The following INSL6 variants were observed in gnomAD, a reference collection of about 807,000 sequenced individuals.
The protein encoded by INSL6 is insulin like 6, also known as insulin-like peptide INSL6.
Under a neutral mutation model 9.4 loss-of-function variants are expected in INSL6, and 16 were observed. The observed-to-expected ratio is 1.70, with a 90% CI of 1.15 to 2.59. The LOEUF (loss-of-function observed/expected upper bound fraction) is 2.59, where lower values mean the gene tolerates loss of function less well. INSL6 is among the 30% of genes most tolerant of loss of function. The pLI, the probability that INSL6 is intolerant of heterozygous loss-of-function variation, is 0.00. For synonymous variants in INSL6, 154 were observed against 96.9 expected, an observed-to-expected ratio of 1.59 and a Z score of -3.46; for missense variants, 391 against 257.3, an observed-to-expected ratio of 1.52 and a Z score of -3.56.
intron 1 of INSL6, among the ~76,000 whole-genome samples, chr9:5,176,292 T>C (rs1267524375): frequency 3.3e-5 from 5 of 152,228 alleles, no homozygotes; most frequent in African/African-American, 1.2e-4. Flanking sequence ...CTTACCACAC[T>C]GTTTAATACT....
the INSL6 span, among the ~76,000 whole-genome samples, chr9:5,115,159 T>C: frequency 6.6e-6 from 1 of 152,096 alleles, no homozygotes; most frequent in Non-Finnish European, 1.5e-5. Flanking sequence ...TTTTGCAATC[T>C]AGCCACCTGA....
the INSL6 span, among the ~76,000 whole-genome samples, chr9:5,052,895 C>T: frequency 6.6e-6 from 1 of 152,028 alleles, no homozygotes; most frequent in Non-Finnish European, 1.5e-5. Context: ...TTGTTCTTCA[C>T]TTGATGAAAA....
At chr9:5,087,868 T>A in the INSL6 span, among the ~76,000 whole-genome samples, 1 of 152,222 alleles carries the variant, frequency 6.6e-6, no homozygotes, top group Non-Finnish European at 1.5e-5. Context: ...ATGACTGTAT[T>A]TAAAAATTTT....
the INSL6 span, chr9:5,090,841 T>C: frequency 1.9e-6 from 3 of 1,613,534 alleles, no homozygotes; most frequent in Non-Finnish European, 2.5e-6. Context: ...AGATTTTGGG[T>C]TAACCAAAGT....
intron 2 of INSL6, among the ~76,000 whole-genome samples, chr9:5,137,355 A>T (rs2130884147): frequency 6.6e-6 from 1 of 152,286 alleles, no homozygotes; most frequent in Admixed American, 6.5e-5. Context: ...GCATCACACT[A>T]CCTGACTTCA....
chr9:5,079,063 G>A, the INSL6 span, among the ~76,000 whole-genome samples: 2 of 152,098 alleles, frequency 1.3e-5, no homozygotes, highest in African/African-American at 4.8e-5. Flanking sequence ...CAATTTTTGT[G>A]CACTGATGTG....
At chr9:5,170,729 G>A (rs371042489) in intron 1 of INSL6, among the ~76,000 whole-genome samples, 7 of 151,608 alleles carry the variant, frequency 4.6e-5, no homozygotes, top group African/African-American at 7.3e-5. Context: ...CCAATAAACC[G>A]GAAAATCTAG....
chr9:5,043,932 G>C, the INSL6 span, among the ~76,000 whole-genome samples: 1 of 152,112 alleles, frequency 6.6e-6, no homozygotes, highest in African/African-American at 2.4e-5. Context: ...ACTTTAAGTG[G>C]GTGGACTTTA....
intron 1 of INSL6, among the ~76,000 whole-genome samples, chr9:5,174,138 CT>C (rs1338555420): frequency 6.6e-6 from 1 of 152,176 alleles, no homozygotes; most frequent in Admixed American, 6.5e-5. Flanking sequence ...CAGTTTTTAA[CT>C]TCTATTGAAT....
chr9:5,142,504 GTGT>G (rs1194944344), intron 2 of INSL6, among the ~76,000 whole-genome samples: 2 of 152,076 alleles, frequency 1.3e-5, no homozygotes, highest in African/African-American at 2.4e-5. Context: ...TCAACTTGAG[GTGT>G]TGTTAAGTGT....
chr9:5,022,585 C>T, the INSL6 span, among the ~76,000 whole-genome samples: 20 of 152,172 alleles, frequency 1.3e-4, no homozygotes, highest in African/African-American at 4.8e-4. Flanking sequence ...GATTTAAAAT[C>T]TTGATTAAAT....
chr9:5,137,672 G>T (rs527485094), intron 2 of INSL6, among the ~76,000 whole-genome samples: 8 of 152,250 alleles, frequency 5.3e-5, no homozygotes, highest in Admixed American at 2.6e-4. Flanking sequence ...TCAGCACTTA[G>T]GCATGGCAAA....
the INSL6 span, chr9:5,114,116 C>T: frequency 8.4e-6 from 3 of 358,312 alleles, no homozygotes; most frequent in Non-Finnish European, 1.7e-5. Flanking sequence ...CCTACACCTG[C>T]CAGGTCACCT....
At chr9:5,160,911 T>A (rs1471019996), downstream of INSL6, among the ~76,000 whole-genome samples, 3 of 152,128 alleles carry the variant, frequency 2.0e-5, no homozygotes, top group Admixed American at 2.0e-4. Context: ...AACCTGTGAA[T>A]AGACCAGTAA....
the INSL6 span, among the ~76,000 whole-genome samples, chr9:5,083,125 T>G: frequency 6.6e-6 from 1 of 152,314 alleles, no homozygotes; most frequent in African/African-American, 2.4e-5. Context: ...AGGAGTTCAT[T>G]GTTAAGTGAT....
chr9:5,117,751 G>C, the INSL6 span, among the ~76,000 whole-genome samples: 1 of 151,930 alleles, frequency 6.6e-6, no homozygotes, highest in East Asian at 1.9e-4. Flanking sequence ...AGAAACAAAA[G>C]TTTTTTGGCA....
chr9:5,156,558 G>A (rs964462926), intron 2 of INSL6, among the ~76,000 whole-genome samples: 1 of 151,980 alleles, frequency 6.6e-6, no homozygotes, highest in Non-Finnish European at 1.5e-5. Context: ...AAAATTCTCA[G>A]CAAACAGAAT....
chr9:5,104,654 C>G, the INSL6 span, among the ~76,000 whole-genome samples: 3 of 152,312 alleles, frequency 2.0e-5, no homozygotes, highest in Middle Eastern at 3.4e-3. Flanking sequence ...ATGTGAAAAT[C>G]CTCAATAAAA....
intron 2 of INSL6, among the ~76,000 whole-genome samples, chr9:5,142,184 G>A (rs1213346944): frequency 2.0e-5 from 3 of 152,190 alleles, no homozygotes; most frequent in Non-Finnish European, 2.9e-5. Flanking sequence ...GCTGAGGAAT[G>A]CCTTGGCTAT....
Sources: gnomAD v4.1 joint callset for allele counts (sites outside exome capture counted in the v4.1 genomes callset) on GRCh38, gnomAD v4.1.1 for gene constraint, MANE v1.5 for transcripts, NCBI Gene and HGNC (gene_info 2026-07-23, HGNC 2026-07-21) for gene names.